Variants in RIC1 observed in about 807,000 individuals in gnomAD.
RIC1 encodes the protein guanine nucleotide exchange factor subunit RIC1.
In RIC1, 88 loss-of-function variants were observed where a neutral mutation model predicts 169.0. The ratio of observed to expected loss-of-function variants is 0.52; its 90% CI spans 0.44 to 0.62. RIC1 has a LOEUF of 0.62. Among genes scored for constraint, RIC1 ranks in the 20% least tolerant of loss-of-function variants. RIC1 has a pLI of 0.00. For missense variants in RIC1, 1,877 were observed against 1,725.5 expected (o/e 1.09, Z -1.56); for synonymous variants, 790 against 601.5 (o/e 1.31, Z -4.59).
At chr9:5,666,990 T>A (rs1819809700) in intron 2 of RIC1, among the ~76,000 whole-genome samples, 4 of 152,188 alleles carry the variant, frequency 2.6e-5, no homozygotes, top group Admixed American at 2.6e-4. Context: ...CCTTTTTTCT[T>A]AACTTACCTA....
chr9:5,713,825 TTGTA>T (rs1823075252), intron 3 of RIC1, 67 bp from the exon 4 acceptor site: 2 of 857,434 alleles, frequency 2.3e-6, no homozygotes, highest in Non-Finnish European at 1.9e-6. Context: ...CTTTATTTGA[TTGTA>T]TGTGTATTAG....
intron 3 of RIC1, among the ~76,000 whole-genome samples, chr9:5,705,106 A>G (rs969315411): frequency 2.6e-5 from 4 of 151,172 alleles, no homozygotes; most frequent in African/African-American, 7.3e-5. Context: ...GAATTCTCCA[A>G]CTTTGTTCTT....
intron 2 of RIC1, among the ~76,000 whole-genome samples, chr9:5,666,186 A>G (rs1819745983): frequency 6.6e-6 from 1 of 152,232 alleles, no homozygotes; most frequent in Non-Finnish European, 1.5e-5. Context: ...TCTCACGTAA[A>G]GAAGCAGTCT....
At chr9:5,701,144 C>T (rs572309339) in intron 3 of RIC1, among the ~76,000 whole-genome samples, 2 of 152,302 alleles carry the variant, frequency 1.3e-5, no homozygotes, top group South Asian at 4.1e-4. Flanking sequence ...TGTGGTAAAA[C>T]TGTGGTATAG....
At chr9:5,683,873 A>G (rs1586942203) in intron 2 of RIC1, among the ~76,000 whole-genome samples, 1 of 151,816 alleles carries the variant, frequency 6.6e-6, no homozygotes, top group Admixed American at 6.6e-5. Context: ...CCTCGCTGCC[A>G]CCTTGCAGTT....
At chr9:5,765,832 G>C (rs921549143) in intron 21 of RIC1, 34 bp downstream of exon 21, 3 of 1,611,076 alleles carry the variant, frequency 1.9e-6, no homozygotes, top group African/African-American at 1.3e-5. Context: ...TGCTTTTTGG[G>C]CATTCATGAC....
intron 3 of RIC1, among the ~76,000 whole-genome samples, chr9:5,690,578 T>TA (rs397730452): frequency 6.6e-6 from 1 of 151,496 alleles, no homozygotes. Context: ...TTTTTTTTTT[T>TA]AATCAAGCCA....
chr9:5,724,160 T>C (rs111238976), intron 6 of RIC1, among the ~76,000 whole-genome samples: 3,145 of 152,344 alleles, frequency 0.021, 49 homozygotes, highest in Non-Finnish European at 0.033. Context: ...AGTATGGCCA[T>C]TTTCACAATA....
intron 2 of RIC1, among the ~76,000 whole-genome samples, chr9:5,688,315 C>G (rs1586951311): frequency 6.6e-6 from 1 of 152,204 alleles, no homozygotes; most frequent in Non-Finnish European, 1.5e-5. Context: ...CCCAGAAATT[C>G]TCACAAGGCA....
Position 5,723,624 on chromosome 9 carries a change from G to A in RIC1, c.720+2874G>A, listed in dbSNP as rs987052936. Among the ~76,000 whole-genome samples the A allele has an allele frequency of 6.6e-5, 10 of 152,286 alleles. 1 individual carries two copies. The highest frequency in any genetic ancestry group is 1.9e-4 in the East Asian group (1 of 5,188). The stretch of plus-strand genomic sequence containing the variant: ...TTGCTTTTGGTGTTTTAGTCATGAA[G>A]TCCTTGCCCATGCCTATGGCCTGAA... On this transcript the variant is annotated intron_variant, in intron 6 of 25. Transcript: ENST00000414202.
chr9:5,633,707 C>T (rs1817832573), intron 1 of RIC1, among the ~76,000 whole-genome samples: 1 of 152,158 alleles, frequency 6.6e-6, no homozygotes, highest in Non-Finnish European at 1.5e-5. Context: ...TCTCACACAG[C>T]TCCCTCTTTT....
chr9:5,749,771 T>C, intron 12 of RIC1, among the ~76,000 whole-genome samples: 1 of 137,956 alleles, frequency 7.2e-6, no homozygotes, highest in Non-Finnish European at 1.5e-5. Context: ...GTGCTTTTTT[T>C]TTTTTTTTTT....
At chr9:5,721,043 A>G (rs755185308) in intron 6 of RIC1, among the ~76,000 whole-genome samples, 9 of 152,038 alleles carry the variant, frequency 5.9e-5, no homozygotes, top group Non-Finnish European at 1.3e-4. Flanking sequence ...CACTACTCTG[A>G]ATATTTCCTT....
intron 2 of RIC1, among the ~76,000 whole-genome samples, chr9:5,682,150 C>A (rs1450745067): frequency 6.6e-6 from 1 of 152,102 alleles, no homozygotes; most frequent in Non-Finnish European, 1.5e-5. Context: ...AGCATTTAGC[C>A]CATTTACATT....
At chr9:5,708,971 G>A (rs1194758837) in intron 3 of RIC1, among the ~76,000 whole-genome samples, 1 of 151,404 alleles carries the variant, frequency 6.6e-6, no homozygotes, top group Non-Finnish European at 1.5e-5. Flanking sequence ...AATCACTCAT[G>A]TCGAATAGTC....
intron 17 of RIC1, among the ~76,000 whole-genome samples, chr9:5,758,722 C>CTTTTTTTTTTTTTTTTTTTTTTTTTTTTT (rs754931692): frequency 4.1e-5 from 4 of 98,424 alleles, no homozygotes; most frequent in African/African-American, 1.2e-4. Flanking sequence ...GGTCTCCCTT[C>CTTTTTTTTTTTTTTTTTTTTTTTTTTTTT]TTTTTTTTTT....
chr9:5,657,671 C>T (rs1351033700), intron 2 of RIC1, among the ~76,000 whole-genome samples: 1 of 152,080 alleles, frequency 6.6e-6, no homozygotes, highest in African/African-American at 2.4e-5. Context: ...GTATATAACA[C>T]TGACTAGGTT....
chr9:5,674,815 A>G (rs1820346557), intron 2 of RIC1, among the ~76,000 whole-genome samples: 1 of 152,100 alleles, frequency 6.6e-6, no homozygotes, highest in Non-Finnish European at 1.5e-5. Flanking sequence ...ATCTTTGGAG[A>G]AAGGCACAGA....
rs147202136 is a variant in RIC1, at chr9:5,763,727, A to T, written c.2700A>T (p.Thr900=). ...CTGAGTTCCCCCTCTTCCTGCAGACAGTTGTCCATTGTGCCAGGAAGACCG... is the reference window on the plus strand; with the variant it reads ...CTGAGTTCCCCCTCTTCCTGCAGACTGTTGTCCATTGTGCCAGGAAGACCG... ...FITEFPLFLQ[T]VVHCARKTEY... is the part of the protein sequence containing the mutation. Residue 900 remains threonine, a synonymous_variant, in exon 19 of 26, where the codon ACA becomes ACT. Transcript: ENST00000414202. The surrounding 1 kb of genome is among the most constrained non-coding windows in gnomAD (Gnocchi z 5.2). The T allele has an allele frequency of 1.1e-5, 18 of 1,614,178 alleles. No homozygotes were observed. The highest frequency in any genetic ancestry group is 1.4e-5 in the Non-Finnish European group (16 of 1,180,032).
Sources: gnomAD v4.1 joint callset for allele counts (sites outside exome capture counted in the v4.1 genomes callset) on GRCh38, gnomAD v4.1.1 for gene constraint, Gnocchi (gnomAD v3.1) non-coding constraint, MANE v1.5 for transcripts, NCBI Gene and HGNC (gene_info 2026-07-23, HGNC 2026-07-21) for gene names.